Variants in EPHA6 observed in about 807,000 individuals in gnomAD.
EPHA6 encodes EPH receptor A6, also known as ephrin type-A receptor 6.
Under a neutral mutation model 112.0 loss-of-function variants are expected in EPHA6, and 50 were observed. The ratio of observed to expected loss-of-function variants is 0.45; its 90% CI spans 0.36 to 0.56. EPHA6 has a LOEUF of 0.56. Ranked by LOEUF, EPHA6 falls within the 20% of genes least tolerant of loss-of-function variation. The pLI is 0.00. For synonymous variants in EPHA6, 529 were observed against 490.7 expected, an observed-to-expected ratio of 1.08 and a Z score of -1.03; for missense variants, 1,280 against 1,417.4, an observed-to-expected ratio of 0.90 and a Z score of 1.56.
chr3:97,185,784 T>G (rs2077111689), intron 3 of EPHA6, among the ~76,000 whole-genome samples: 1 of 152,066 alleles, frequency 6.6e-6, no homozygotes, highest in South Asian at 2.1e-4. Context: ...TGCGGCAATT[T>G]TCACAATAGC....
At position 97,754,325 on chromosome 3, in the gene EPHA6, TG is replaced by T. The variant is rs1385849631; in HGVS notation, c.*5625del. Among the ~76,000 whole-genome samples the T allele has an allele frequency of 6.6e-6, 1 of 152,134 alleles. No homozygotes were observed. The highest frequency in any genetic ancestry group is 2.4e-5 in the African/African-American group (1 of 41,432). On this transcript the variant is annotated 3_prime_UTR_variant, in exon 18 of 18. Coordinates refer to ENST00000389672, the MANE Select transcript of EPHA6 (RefSeq NM_001080448.3). ...CTGGTCTCGAACTCCCGACCTCAGG[TG>T]ATCTGCCCGCCTCAGCCTCCCAAAG...
At chr3:96,961,684 C>A (rs570403546) in intron 2 of EPHA6, among the ~76,000 whole-genome samples, 103 of 152,212 alleles carry the variant, frequency 6.8e-4, no homozygotes, top group Non-Finnish European at 1.1e-3. Flanking sequence ...AGAATGTTGG[C>A]AATTGAGATA....
intron 4 of EPHA6, among the ~76,000 whole-genome samples, chr3:97,241,846 C>G (rs1228340798): frequency 6.7e-6 from 1 of 149,124 alleles, no homozygotes; most frequent in African/African-American, 2.5e-5. Flanking sequence ...AATATTCTTC[C>G]TAGAATGAAA....
chr3:97,167,241 C>A (rs1236616457), intron 3 of EPHA6, among the ~76,000 whole-genome samples: 2 of 152,062 alleles, frequency 1.3e-5, no homozygotes, highest in Non-Finnish European at 2.9e-5. Flanking sequence ...AGCATGTATT[C>A]CCTTCTTTAA....
At chr3:96,825,016 G>C (rs1012857852) in intron 1 of EPHA6, among the ~76,000 whole-genome samples, 1 of 151,898 alleles carries the variant, frequency 6.6e-6, no homozygotes, top group Non-Finnish European at 1.5e-5. Flanking sequence ...CTGAGAACTT[G>C]AGAAGCTTGA....
chr3:97,204,195 A>C (rs2108502933), intron 3 of EPHA6, among the ~76,000 whole-genome samples: 1 of 152,240 alleles, frequency 6.6e-6, no homozygotes, highest in South Asian at 2.1e-4. Flanking sequence ...ATTTGCCTTA[A>C]GTATTGACAT....
At chr3:96,887,802 C>A (rs560358146) in intron 2 of EPHA6, among the ~76,000 whole-genome samples, 1 of 152,136 alleles carries the variant, frequency 6.6e-6, no homozygotes, top group African/African-American at 2.4e-5. Flanking sequence ...ATTCCCAGGT[C>A]CCTGGAGTTG....
chr3:97,559,993 G>A (rs1168386083), intron 11 of EPHA6, among the ~76,000 whole-genome samples: 1 of 151,574 alleles, frequency 6.6e-6, no homozygotes, highest in Non-Finnish European at 1.5e-5. Context: ...GAGGGGGAAA[G>A]ATACTGCATC....
chr3:97,105,224 G>C (rs1458779423), intron 3 of EPHA6, among the ~76,000 whole-genome samples: 2 of 151,812 alleles, frequency 1.3e-5, no homozygotes, highest in Admixed American at 1.3e-4. Flanking sequence ...GTTATGTTAG[G>C]TGGTTAATTT....
chr3:97,643,634 T>G (rs2094030238), intron 14 of EPHA6, among the ~76,000 whole-genome samples: 1 of 151,572 alleles, frequency 6.6e-6, no homozygotes, highest in African/African-American at 2.4e-5. Flanking sequence ...AAAGCAGGCG[T>G]TGCAATCCTA....
chr3:96,859,825 T>C lies in EPHA6; in HGVS notation c.386-7000T>C, dbSNP rs556547836. ...TTACTGACAATTTTGATGGTGATTT[T>C]GAAGATGTGATATGGGATGTCTGCC... On this transcript the variant is annotated intron_variant, in intron 1 of 17. Transcript: ENST00000389672. 4.6e-5 allele frequency among the ~76,000 whole-genome samples: 7 copies of C among 152,256 alleles called. No homozygotes were observed. In the South Asian group the frequency reaches 1.0e-3, roughly 23 times the overall value.
chr3:97,583,703 ACTT>A (rs1381461983), intron 11 of EPHA6, among the ~76,000 whole-genome samples: 1 of 152,236 alleles, frequency 6.6e-6, no homozygotes, highest in Admixed American at 6.5e-5. Context: ...TTCAGATGTC[ACTT>A]CTTCATAAGT....
rs563843830 is a variant in EPHA6 at position 97,570,190 on chromosome 3, A to T, written c.2387-22422A>T. ...AAAAATAATTAAAATAAAATATTCC[A>T]AATATGAGGGATTCATAGAAGCAAG... On this transcript the variant is annotated intron_variant, in intron 11 of 17. Coordinates refer to ENST00000389672, the MANE Select transcript of EPHA6 (RefSeq NM_001080448.3). Among the ~76,000 whole-genome samples the T allele has an allele frequency of 2.6e-5, 4 of 152,350 alleles. No individual in the cohort carries two copies. In the East Asian group the frequency reaches 7.7e-4, roughly 29 times the overall value.
chr3:97,531,048 T>A (rs2092689606), intron 10 of EPHA6, among the ~76,000 whole-genome samples: 1 of 152,086 alleles, frequency 6.6e-6, no homozygotes, highest in Admixed American at 6.6e-5. Context: ...AATTTTAATT[T>A]CTTTCATCCT....
At chr3:97,473,178 G>A (rs924160151) in intron 7 of EPHA6, among the ~76,000 whole-genome samples, 1 of 151,550 alleles carries the variant, frequency 6.6e-6, no homozygotes, top group East Asian at 1.9e-4. Context: ...CTCTTATTAG[G>A]AAATAAGAGT....
At chr3:96,951,777 C>T (rs2041546340) in intron 2 of EPHA6, among the ~76,000 whole-genome samples, 1 of 152,022 alleles carries the variant, frequency 6.6e-6, no homozygotes, top group East Asian at 1.9e-4. Flanking sequence ...GCAGTTTCTT[C>T]TTTATTTATA....
Position 96,987,320 on chromosome 3 carries a change from C to T in EPHA6, c.451-10C>T, listed in dbSNP as rs1301304847. On this transcript the variant is annotated splice_polypyrimidine_tract_variant and intron_variant, in intron 2 of 17. Coordinates refer to ENST00000389672, the MANE Select transcript of EPHA6 (RefSeq NM_001080448.3). ...TAAAATCACTTAATTACTTTTTTCC[C>T]TTTTTGCAGTGGGATGCCATCACTG... 3.2e-6 allele frequency: 5 copies of T among 1,567,750 alleles called. No individual in the cohort carries two copies. The highest frequency in any genetic ancestry group is 2.7e-5 in the African/African-American group (2 of 73,234).
intron 3 of EPHA6, among the ~76,000 whole-genome samples, chr3:97,069,147 A>C (rs2046276279): frequency 6.6e-6 from 1 of 152,140 alleles, no homozygotes. Flanking sequence ...ACTCGACCAA[A>C]TGCCTTACCA....
chr3:97,757,465 A>G lies in EPHA6; in HGVS notation c.*8764A>G, dbSNP rs1475144194. On this transcript the variant is annotated 3_prime_UTR_variant, in exon 18 of 18. Transcript: ENST00000389672. ...TAATCCTTTGTTTTCCAAGACATAT[A>G]TAATCAAAGAATTTGCCAAAAAATT... 6.6e-6 allele frequency among the ~76,000 whole-genome samples: 1 copy of G among 151,784 alleles called. No individual in the cohort carries two copies. The highest frequency in any genetic ancestry group is 1.5e-5 in the Non-Finnish European group (1 of 67,696).
Sources: gnomAD v4.1 joint callset for allele counts (sites outside exome capture counted in the v4.1 genomes callset) on GRCh38, gnomAD v4.1.1 for gene constraint, MANE v1.5 for transcripts, NCBI Gene and HGNC (gene_info 2026-07-23, HGNC 2026-07-21) for gene names.